The following AGO3 variants were observed in gnomAD, a reference collection of about 807,000 sequenced individuals.
AGO3 encodes the protein protein argonaute-3.
A neutral mutation model predicts 105.5 loss-of-function variants in AGO3; 16 were observed. The observed-to-expected ratio is 0.15, with a 90% CI of 0.10 to 0.23. The LOEUF is 0.23. Among genes scored for constraint, AGO3 ranks in the 10% least tolerant of loss-of-function variants. The pLI, the probability that AGO3 is intolerant of heterozygous loss-of-function variation, is 1.00. For missense variants in AGO3, 534 were observed against 1,088.0 expected, an observed-to-expected ratio of 0.49 and a Z score of 7.16; for synonymous variants, 340 against 367.3, an observed-to-expected ratio of 0.93 and a Z score of 0.85.
At position 35,931,147 on chromosome 1, in the gene AGO3, G is replaced by A. The variant is rs1460241423; in HGVS notation, c.-280G>A. On this transcript the variant is annotated 5_prime_UTR_variant, in exon 1 of 19. Transcript: ENST00000373191. ...CCGCAGTCGTGGAGGAGCGGTGGGAGCGTCGGCGGCCGCGGGCGATGCAAC... is the reference window on the plus strand; with the variant it reads ...CCGCAGTCGTGGAGGAGCGGTGGGAACGTCGGCGGCCGCGGGCGATGCAAC... 7 of 397,610 alleles carry A rather than the reference G, an allele frequency of 1.8e-5. No homozygotes were observed. The highest frequency in any genetic ancestry group is 3.6e-5 in the East Asian group (1 of 27,994). The allele number at this position is 397,610 out of a possible 1,614,324, so 24.6% of individuals were successfully genotyped here. A position where few individuals can be genotyped will look rare whatever the true frequency, so the allele number is the denominator to read the frequency against.
intron 8 of AGO3, chr1:36,009,259 A>T (rs1241010214): frequency 2.5e-6 from 2 of 813,450 alleles, no homozygotes; most frequent in Non-Finnish European, 3.6e-6. Flanking sequence ...ATTTTGGTAT[A>T]CTATACTTCT....
At position 35,931,334 on chromosome 1, in the gene AGO3, C is replaced by T; in HGVS notation, c.-93C>T. The stretch of plus-strand genomic sequence containing the variant: ...CCGCCTCGGGGCCGAGTGAGAGTGC[C>T]CGTCGCGTCGCGCCGCGTCGCCCCC... On this transcript the variant is annotated 5_prime_UTR_variant, in exon 1 of 19. Transcript: ENST00000373191. The T allele has an allele frequency of 1.6e-6, 2 of 1,232,308 alleles. No individual in the cohort carries two copies. The highest frequency in any genetic ancestry group is 2.0e-5 in the South Asian group (1 of 49,512). The allele number at this position is 1,232,308 out of a possible 1,614,324, so 76.3% of individuals were successfully genotyped here.
At chr1:36,040,511 A>G (rs1179933556) in intron 16 of AGO3, 70 bp downstream of exon 16, 16 of 1,540,162 alleles carry the variant, frequency 1.0e-5, no homozygotes, top group Non-Finnish European at 1.2e-5. Flanking sequence ...AGCATTCAAC[A>G]AGGGCCCTCT....
chr1:36,023,243 C>T (rs1048013184), intron 11 of AGO3, among the ~76,000 whole-genome samples: 1 of 152,230 alleles, frequency 6.6e-6, no homozygotes, highest in East Asian at 1.9e-4. Flanking sequence ...TGAGAGCTTA[C>T]CCACAATCCC....
Position 36,062,574 on chromosome 1 carries a change from G to A in AGO3, c.*6829G>A, listed in dbSNP as rs572336179. ...GTAGGGTCTGCAAATTGTGCTTAAG[G>A]GGAAATAAGCAAAAGAAAGGAAAAT... is the stretch of plus-strand genomic sequence containing the variant. On this transcript the variant is annotated 3_prime_UTR_variant, in exon 19 of 19. Coordinates refer to ENST00000373191, the MANE Select transcript of AGO3 (RefSeq NM_024852.4). The A allele has an allele frequency of 6.6e-6, 1 of 152,184 alleles. No individual in the cohort carries two copies. Among genetic ancestry groups the A allele is most frequent in the Non-Finnish European group, 1.5e-5 (1 of 68,004 alleles). The allele number at this position is 152,184 out of a possible 1,614,324, so 9.4% of individuals were successfully genotyped here.
intron 14 of AGO3, among the ~76,000 whole-genome samples, chr1:36,039,265 G>A (rs560068603): frequency 1.9e-4 from 29 of 152,078 alleles, no homozygotes; most frequent in African/African-American, 5.8e-4. Flanking sequence ...GGAGGCCAAC[G>A]CAGACGGATC....
intron 9 of AGO3, 121 bp downstream of exon 9, chr1:36,009,715 G>A (rs1019180990): frequency 1.8e-5 from 19 of 1,046,952 alleles, no homozygotes; most frequent in African/African-American, 1.6e-4. Context: ...AGAATTAAAA[G>A]CAATCATGGA....
rs747683465 is a variant in AGO3 at position 36,004,407 on chromosome 1, A to G, written c.725A>G (p.His242Arg). Residue 242 changes from histidine (H) to arginine (R), a missense_variant, in exon 6 of 19, where the codon CAT becomes CGT. Transcript: ENST00000373191. ...TTCATGTGTGAAGTTCTTGATATTC[A>G]TAATATTGATGAGCAACCAAGACCT... ...IQFMCEVLDI[H>R]NIDEQPRPLT... 1.2e-6 allele frequency: 2 copies of G among 1,609,326 alleles called. No individual in the cohort carries two copies. Among genetic ancestry groups the G allele is most frequent in the Non-Finnish European group, 1.7e-6 (2 of 1,176,832 alleles).
intron 1 of AGO3, among the ~76,000 whole-genome samples, chr1:35,937,630 C>T (rs547018236): frequency 6.6e-6 from 1 of 152,236 alleles, no homozygotes; most frequent in South Asian, 2.1e-4. Flanking sequence ...GCGGAGGTTG[C>T]AGTGAGCCAA....
At chr1:35,996,663 C>G (rs1284276305) in intron 5 of AGO3, among the ~76,000 whole-genome samples, 1 of 151,228 alleles carries the variant, frequency 6.6e-6, no homozygotes, top group East Asian at 1.9e-4. Flanking sequence ...CCCAGCTACT[C>G]AGGAAGCTGA....
At chr1:35,935,235 A>G (rs1354326067) in intron 1 of AGO3, among the ~76,000 whole-genome samples, 1 of 152,214 alleles carries the variant, frequency 6.6e-6, no homozygotes, top group Non-Finnish European at 1.5e-5. Context: ...ACAAAAATTG[A>G]GACATAAAAT....
At chr1:35,958,555 G>A (rs752441063) in intron 2 of AGO3, among the ~76,000 whole-genome samples, 1 of 151,878 alleles carries the variant, frequency 6.6e-6, no homozygotes, top group Non-Finnish European at 1.5e-5. Flanking sequence ...CAGCTACTCG[G>A]GAGGTTGAGA....
intron 1 of AGO3, among the ~76,000 whole-genome samples, chr1:35,942,071 C>T (rs1459529363): frequency 6.6e-6 from 1 of 152,130 alleles, no homozygotes; most frequent in Non-Finnish European, 1.5e-5. Context: ...GTACTAAGGG[C>T]TAGTACGGAA....
intron 6 of AGO3, among the ~76,000 whole-genome samples, chr1:36,004,805 T>C (rs2148810306): frequency 1.3e-5 from 2 of 152,276 alleles, no homozygotes; most frequent in South Asian, 4.1e-4. Context: ...ATATTTGTTA[T>C]ATTTTATAAC....
chr1:35,954,737 T>C (rs567235649), intron 2 of AGO3, among the ~76,000 whole-genome samples: 9 of 152,366 alleles, frequency 5.9e-5, no homozygotes, highest in African/African-American at 2.2e-4. Context: ...TGACAAATTC[T>C]GTGATATGCA....
At chr1:36,044,328 A>T (rs536078100) in intron 17 of AGO3, among the ~76,000 whole-genome samples, 1 of 152,164 alleles carries the variant, frequency 6.6e-6, no homozygotes, top group Non-Finnish European at 1.5e-5. Flanking sequence ...AGGCTAGGTG[A>T]CGGAGCCAGA....
In AGO3 at chr1:36,055,727, C is replaced by G. The variant is rs758449362; in HGVS notation, c.2565C>G (p.Arg855=). The G allele has an allele frequency of 6.2e-7, 1 of 1,614,146 alleles. No individual in the cohort carries two copies. Among genetic ancestry groups the G allele is most frequent in the South Asian group, 1.1e-5 (1 of 91,090 alleles). The change falls in exon 19 of 19, where the codon CGC becomes CGG. Residue 855 remains arginine (R), a synonymous_variant. Coordinates refer to ENST00000373191, the MANE Select transcript of AGO3 (RefSeq NM_024852.4). The surrounding 1 kb of genome is among the most constrained non-coding windows in gnomAD (Gnocchi z 4.4). ...TACAGATTCACCAAGATACCTTACG[C>G]ACAATGTACTTCGCTTAAATAGTCC... ...KAVQIHQDTL[R]TMYFA
intron 17 of AGO3, among the ~76,000 whole-genome samples, chr1:36,044,209 G>A (rs1642366645): frequency 6.6e-6 from 1 of 152,130 alleles, no homozygotes; most frequent in South Asian, 2.1e-4. Context: ...GCCAGGTGTG[G>A]TAGCACGTGC....
chr1:35,938,089 T>C (rs1198672995), intron 1 of AGO3, among the ~76,000 whole-genome samples: 1 of 151,524 alleles, frequency 6.6e-6, no homozygotes, highest in Admixed American at 6.6e-5. Flanking sequence ...CAAGCAATTA[T>C]CCTGCCTCAG....
Sources: gnomAD v4.1 joint callset for allele counts (sites outside exome capture counted in the v4.1 genomes callset) on GRCh38, gnomAD v4.1.1 for gene constraint, Gnocchi (gnomAD v3.1) non-coding constraint, MANE v1.5 for transcripts, NCBI Gene and HGNC (gene_info 2026-07-23, HGNC 2026-07-21) for gene names.